CCDC148: variants seen among roughly 807,000 people sequenced by gnomAD.
The protein encoded by CCDC148 is coiled-coil domain-containing protein 148.
Under a neutral mutation model 85.7 loss-of-function variants are expected in CCDC148, and 89 were observed. The observed-to-expected ratio is 1.04, with a 90% CI of 0.87 to 1.24. The LOEUF (loss-of-function observed/expected upper bound fraction) is 1.24, where lower values mean the gene tolerates loss of function less well. Among genes scored for constraint, CCDC148 ranks in the 50% most tolerant of loss-of-function variants. CCDC148 has a pLI of 0.00. For missense variants in CCDC148, 692 were observed against 671.7 expected (o/e 1.03, Z -0.33); for synonymous variants, 230 against 213.9 (o/e 1.08, Z -0.66).
At chr2:158,399,104 T>G (rs1367591800) in intron 1 of CCDC148, among the ~76,000 whole-genome samples, 2 of 152,114 alleles carry the variant, frequency 1.3e-5, no homozygotes, top group Non-Finnish European at 2.9e-5. Flanking sequence ...AATAGACCAA[T>G]AACAGGTTCT....
At chr2:158,428,729 G>A (rs370496794) in intron 1 of CCDC148, among the ~76,000 whole-genome samples, 4 of 151,890 alleles carry the variant, frequency 2.6e-5, no homozygotes, top group East Asian at 1.9e-4. Flanking sequence ...ACAGTGTGGC[G>A]ATTCCTCAAG....
At chr2:158,182,660 T>C (rs1314191049) in intron 11 of CCDC148, among the ~76,000 whole-genome samples, 1 of 152,144 alleles carries the variant, frequency 6.6e-6, no homozygotes, top group Non-Finnish European at 1.5e-5. Flanking sequence ...TCTGACTGCC[T>C]GAAGGATTGG....
chr2:158,212,035 T>G (rs1474158173), intron 11 of CCDC148, among the ~76,000 whole-genome samples: 1 of 152,212 alleles, frequency 6.6e-6, no homozygotes, highest in Non-Finnish European at 1.5e-5. Flanking sequence ...TTATTATTAT[T>G]ATTACTGTTG....
chr2:158,242,256 C>G (rs1688380246), intron 10 of CCDC148, among the ~76,000 whole-genome samples: 1 of 152,118 alleles, frequency 6.6e-6, no homozygotes, highest in African/African-American at 2.4e-5. Flanking sequence ...TTATCTTTAT[C>G]TCGTTTCTAC....
intron 5 of CCDC148, 29 bp downstream of exon 5, chr2:158,340,213 A>C: frequency 1.9e-6 from 3 of 1,603,718 alleles, no homozygotes; most frequent in Non-Finnish European, 2.6e-6. Context: ...GAAATATTAC[A>C]TTATGGAAAA....
At chr2:158,430,598 G>T (rs2105331997) in intron 1 of CCDC148, among the ~76,000 whole-genome samples, 1 of 152,270 alleles carries the variant, frequency 6.6e-6, no homozygotes, top group Non-Finnish European at 1.5e-5. Context: ...TGCACATTTT[G>T]AAATAGCTTG....
At chr2:158,318,720 T>G (rs1692395181) in intron 7 of CCDC148, among the ~76,000 whole-genome samples, 1 of 151,994 alleles carries the variant, frequency 6.6e-6, no homozygotes, top group Non-Finnish European at 1.5e-5. Flanking sequence ...CATCCAGCAG[T>G]AGTTTTCTAG....
At chr2:158,264,764 A>G (rs1345625175) in intron 9 of CCDC148, among the ~76,000 whole-genome samples, 1 of 152,142 alleles carries the variant, frequency 6.6e-6, no homozygotes, top group African/African-American at 2.4e-5. Context: ...TTTTCCAAAT[A>G]GATACTAAAA....
chr2:158,423,091 A>G (rs1427845332), intron 1 of CCDC148, among the ~76,000 whole-genome samples: 1 of 152,210 alleles, frequency 6.6e-6, no homozygotes, highest in Non-Finnish European at 1.5e-5. Context: ...GGACCGAAAC[A>G]AATGGAAGAA....
At position 158,283,108 on chromosome 2, in the gene CCDC148, C is replaced by T. The variant is rs568392938; in HGVS notation, c.1110+26325G>A. Among the ~76,000 whole-genome samples, 116 of 152,298 alleles carry T rather than the reference C, an allele frequency of 7.6e-4. 2 individuals carry two copies. In the South Asian group the frequency reaches 0.023, roughly 31 times the overall value. Reference sequence around the variant, plus strand: ...AAGCTGAAACCGGATCCCTTCCTCACACCTTATACAAAAATCAATTCAAGA... The same window carrying T: ...AAGCTGAAACCGGATCCCTTCCTCATACCTTATACAAAAATCAATTCAAGA... On this transcript the variant is annotated intron_variant, in intron 9 of 13. Coordinates refer to ENST00000283233, the MANE Select transcript of CCDC148 (RefSeq NM_138803.4).
intron 11 of CCDC148, among the ~76,000 whole-genome samples, chr2:158,187,124 A>G (rs1271718052): frequency 6.6e-6 from 1 of 151,886 alleles, no homozygotes; most frequent in Non-Finnish European, 1.5e-5. Flanking sequence ...GGAGAACCTC[A>G]CCTGCTCCAC....
At chr2:158,377,890 T>G (rs1478201411) in intron 1 of CCDC148, among the ~76,000 whole-genome samples, 1 of 152,160 alleles carries the variant, frequency 6.6e-6, no homozygotes, top group Non-Finnish European at 1.5e-5. Context: ...TCGTTCCAGC[T>G]GCTTTCCTCT....
chr2:158,235,183 G>T lies in CCDC148; in HGVS notation c.1252-14470C>A, dbSNP rs80258591. Among the ~76,000 whole-genome samples the T allele has an allele frequency of 1.5e-4, 23 of 152,286 alleles. No individual in the cohort carries two copies. In the East Asian group the frequency reaches 4.4e-3, roughly 29 times the overall value. Reference sequence around the variant, plus strand: ...CAAAAGTATATTGTGTATATTATGTGTAAGTATATTATGGCCAGTTTTTAT... The same window carrying T: ...CAAAAGTATATTGTGTATATTATGTTTAAGTATATTATGGCCAGTTTTTAT... On this transcript the variant is annotated intron_variant, in intron 10 of 13. Transcript: ENST00000283233.
chr2:158,209,125 T>A (rs963326936), intron 11 of CCDC148, among the ~76,000 whole-genome samples: 3 of 151,912 alleles, frequency 2.0e-5, no homozygotes, highest in Non-Finnish European at 4.4e-5. Flanking sequence ...CATAAACATA[T>A]ATTTTTACAC....
intron 9 of CCDC148, among the ~76,000 whole-genome samples, chr2:158,300,808 C>T (rs1463300095): frequency 6.6e-6 from 1 of 152,150 alleles, no homozygotes; most frequent in Admixed American, 6.5e-5. Flanking sequence ...TGGGCCATTA[C>T]TGTAAGCAAA....
Position 158,452,089 on chromosome 2 carries a change from TAA to T in CCDC148, c.25+4324_25+4325del, listed in dbSNP as rs1195135598. 4.6e-5 allele frequency among the ~76,000 whole-genome samples: 7 copies of T among 152,302 alleles called. No individual in the cohort carries two copies. The East Asian group carries it at 1.3e-3, about 29-fold the overall frequency. ...CTTCAATGTCTGAGAATTAAACTGA[TAA>T]AAGACAGACTGACAAGAGAAAAAAC... On this transcript the variant is annotated intron_variant, in intron 1 of 13. Transcript: ENST00000283233.
intron 7 of CCDC148, among the ~76,000 whole-genome samples, chr2:158,326,377 T>C (rs1402138095): frequency 6.6e-6 from 1 of 152,214 alleles, no homozygotes. Context: ...TATTTTTTCA[T>C]AGCACTTATC....
At chr2:158,348,023 G>A (rs1013975090) in intron 2 of CCDC148, among the ~76,000 whole-genome samples, 16 of 152,016 alleles carry the variant, frequency 1.1e-4, no homozygotes, top group African/African-American at 3.9e-4. Context: ...TATTGCTAGT[G>A]GGAATACAAA....
intron 1 of CCDC148, among the ~76,000 whole-genome samples, chr2:158,371,316 C>T (rs1684431299): frequency 6.6e-6 from 1 of 151,910 alleles, no homozygotes; most frequent in Admixed American, 6.6e-5. Context: ...TTAGAATATT[C>T]ACCACGTCAT....
Sources: allele counts gnomAD v4.1 joint callset (sites outside exome capture counted in the v4.1 genomes callset), GRCh38; gene constraint gnomAD v4.1.1; transcripts MANE v1.5; gene names NCBI Gene and HGNC (gene_info 2026-07-23, HGNC 2026-07-21).